RNF2: variants seen among roughly 807,000 people sequenced by gnomAD.
The protein encoded by RNF2 is E3 ubiquitin-protein ligase RING2.
RNF2 carries 6 observed loss-of-function variants against 37.2 expected under a neutral mutation model. The observed-to-expected ratio is 0.16, with a 90% confidence interval of 0.09 to 0.32. RNF2 has a LOEUF of 0.32. Ranked by LOEUF, RNF2 falls within the 10% of genes least tolerant of loss-of-function variation. The pLI, the probability that RNF2 is intolerant of heterozygous loss-of-function variation, is 1.00. For missense variants in RNF2, 251 were observed against 404.0 expected (o/e 0.62, Z 3.25); for synonymous variants, 133 against 132.7 (o/e 1.00, Z -0.02).
chr1:185,070,787 C>T lies in RNF2; in HGVS notation c.-2-16765C>T, dbSNP rs141121261. Among the ~76,000 whole-genome samples the T allele has an allele frequency of 5.7e-3, 870 of 151,982 alleles. 14 individuals carry two copies. The highest frequency in any genetic ancestry group is 0.02 in the African/African-American group (811 of 41,454). On this transcript the variant is annotated intron_variant, in intron 1 of 6. Transcript: ENST00000367510. ...CCGAGTAGCTGGGACTGCAGGTGCC[C>T]GCCACCTCGCCGGCTCATTTTTTTA...
chr1:185,081,780 T>A (rs965606435), intron 1 of RNF2, among the ~76,000 whole-genome samples: 1 of 152,102 alleles, frequency 6.6e-6, no homozygotes, highest in Non-Finnish European at 1.5e-5. Flanking sequence ...ATTGGGCCCT[T>A]TTTGTTGATC....
chr1:185,077,608 T>C (rs1651207228), intron 1 of RNF2, among the ~76,000 whole-genome samples: 1 of 150,146 alleles, frequency 6.7e-6, no homozygotes. Flanking sequence ...GTTTTTTAAT[T>C]GTTAGGAATT....
chr1:185,098,380 C>A, intron 5 of RNF2, 36 bp downstream of exon 5: 1 of 1,597,540 alleles, frequency 6.3e-7, no homozygotes, highest in Non-Finnish European at 8.6e-7. Context: ...TATCTAAATT[C>A]AGAATGTTTA....
At chr1:185,082,524 AT>A (rs58437021) in intron 1 of RNF2, among the ~76,000 whole-genome samples, 14,691 of 146,254 alleles carry the variant, frequency 0.1, 926 homozygotes, top group East Asian at 0.27. Context: ...TAATTTTTTT[AT>A]TTTTTTTTTA....
At chr1:185,097,576 C>T (rs1483659040) in intron 4 of RNF2, among the ~76,000 whole-genome samples, 1 of 152,222 alleles carries the variant, frequency 6.6e-6, no homozygotes, top group Non-Finnish European at 1.5e-5. Context: ...TACTCTGGCC[C>T]AGGCCAGAGT....
chr1:185,087,196 G>C (rs1651626152), intron 1 of RNF2, among the ~76,000 whole-genome samples: 1 of 151,944 alleles, frequency 6.6e-6, no homozygotes, highest in Non-Finnish European at 1.5e-5. Flanking sequence ...AATACTTTAG[G>C]CTGGGTAATT....
intron 1 of RNF2, among the ~76,000 whole-genome samples, chr1:185,054,768 G>A (rs990056808): frequency 6.6e-6 from 1 of 152,176 alleles, no homozygotes; most frequent in African/African-American, 2.4e-5. Flanking sequence ...CGCGATCTCA[G>A]CTCACTGCAT....
At chr1:185,092,075 C>T (rs922968690) in intron 3 of RNF2, 10 of 185,050 alleles carry the variant, frequency 5.4e-5, no homozygotes, top group Non-Finnish European at 1.1e-4. Flanking sequence ...GTAATCCACC[C>T]GCCTCAGTCT....
chr1:185,067,919 C>T (rs1044392848), intron 1 of RNF2, among the ~76,000 whole-genome samples: 2 of 151,264 alleles, frequency 1.3e-5, no homozygotes, highest in African/African-American at 4.9e-5. Flanking sequence ...CCGTGTTGGC[C>T]AGGATGGTCT....
chr1:185,085,145 CTTTTTTTTTTT>C (rs71555455), intron 1 of RNF2, among the ~76,000 whole-genome samples: 64 of 103,212 alleles, frequency 6.2e-4, no homozygotes, highest in Non-Finnish European at 8.4e-4. Flanking sequence ...CTTTCTTTTT[CTTTTTTTTTTT>C]TTTTTTTTTT....
chr1:185,070,638 CTTT>C (rs893631238), intron 1 of RNF2, among the ~76,000 whole-genome samples: 3 of 129,738 alleles, frequency 2.3e-5, no homozygotes, highest in Non-Finnish European at 1.7e-5. Flanking sequence ...ATTTTCTTTT[CTTT>C]TTTTTTTTTT....
At chr1:185,091,173 A>G (rs1224997200) in intron 2 of RNF2, among the ~76,000 whole-genome samples, 1 of 152,166 alleles carries the variant, frequency 6.6e-6, no homozygotes, top group Non-Finnish European at 1.5e-5. Context: ...TCTGAGGGTT[A>G]ATTTAGCCCT....
chr1:185,081,127 A>C (rs1651336134), intron 1 of RNF2, among the ~76,000 whole-genome samples: 1 of 152,240 alleles, frequency 6.6e-6, no homozygotes, highest in South Asian at 2.1e-4. Flanking sequence ...AATCAAAACT[A>C]GGCTCAAACA....
intron 1 of RNF2, among the ~76,000 whole-genome samples, chr1:185,076,582 G>A (rs748485073): frequency 4.7e-4 from 71 of 150,116 alleles, no homozygotes; most frequent in Non-Finnish European, 8.9e-4. Context: ...CACTGCGCCC[G>A]GCCTTATTTT....
intron 5 of RNF2, among the ~76,000 whole-genome samples, chr1:185,099,196 C>T (rs548819219): frequency 7.9e-5 from 12 of 151,800 alleles, no homozygotes; most frequent in South Asian, 4.1e-4. Context: ...GGATTACACT[C>T]ACCACAACAC....
intron 2 of RNF2, 40 bp from the exon 3 acceptor site, chr1:185,091,535 TAAAA>T (rs2102199814): frequency 6.3e-7 from 1 of 1,590,966 alleles, no homozygotes; most frequent in African/African-American, 1.3e-5. Flanking sequence ...TTGTCCATAA[TAAAA>T]AATTAAGTAG....
intron 4 of RNF2, among the ~76,000 whole-genome samples, chr1:185,096,797 C>T (rs1571328096): frequency 7.0e-6 from 1 of 143,644 alleles, no homozygotes; most frequent in Non-Finnish European, 1.5e-5. Context: ...GTCATACTCT[C>T]TTGGTTTTGC....
intron 4 of RNF2, among the ~76,000 whole-genome samples, chr1:185,096,680 T>C (rs539892833): frequency 6.6e-6 from 1 of 152,192 alleles, no homozygotes; most frequent in South Asian, 2.1e-4. Flanking sequence ...GACCTCAGCA[T>C]GTCTATTCAT....
chr1:185,093,815 A>T (rs1651836864), intron 4 of RNF2, among the ~76,000 whole-genome samples: 1 of 152,030 alleles, frequency 6.6e-6, no homozygotes, highest in Non-Finnish European at 1.5e-5. Flanking sequence ...TTTTTATTTC[A>T]ATTTCCCCAA....
Sources: gnomAD v4.1 joint callset for allele counts (sites outside exome capture counted in the v4.1 genomes callset) on GRCh38, gnomAD v4.1.1 for gene constraint, MANE v1.5 for transcripts, NCBI Gene and HGNC (gene_info 2026-07-23, HGNC 2026-07-21) for gene names.